Variants in MGAT4C observed in about 807,000 individuals in gnomAD.
The protein encoded by MGAT4C is MGAT4 family member C, also known as alpha-1,3-mannosyl-glycoprotein 4-beta-N-acetylglucosaminyltransferase C.
Under a neutral mutation model 40.1 loss-of-function variants are expected in MGAT4C, and 19 were observed. The observed-to-expected ratio is 0.47, with a 90% CI of 0.33 to 0.70. The LOEUF (loss-of-function observed/expected upper bound fraction) is 0.70. Among genes scored for constraint, MGAT4C ranks in the 30% least tolerant of loss-of-function variants. MGAT4C has a pLI of 0.02. For missense variants in MGAT4C, 491 were observed against 563.2 expected (o/e 0.87, Z 1.30); for synonymous variants, 181 against 187.1 (o/e 0.97, Z 0.27).
chr12:86,054,060 C>T (rs1039158386), intron 1 of MGAT4C, among the ~76,000 whole-genome samples: 1 of 151,958 alleles, frequency 6.6e-6, no homozygotes, highest in African/African-American at 2.4e-5. Flanking sequence ...AAAAAAAGAA[C>T]TACCTTATGA....
intron 2 of MGAT4C, among the ~76,000 whole-genome samples, chr12:86,571,378 T>C (rs1470024631): frequency 1.3e-5 from 2 of 152,042 alleles, no homozygotes; most frequent in African/African-American, 4.8e-5. Context: ...CAGTATACTA[T>C]ATATAGGAAG....
chr12:86,002,217 G>T (rs1887393484), intron 2 of MGAT4C: 1 of 151,816 alleles, frequency 6.6e-6, no homozygotes, highest in African/African-American at 2.4e-5. Flanking sequence ...ATTGTCTGAG[G>T]TTGAAAAAGG....
At chr12:86,358,175 C>A (rs985026635) in intron 3 of MGAT4C, among the ~76,000 whole-genome samples, 3 of 152,148 alleles carry the variant, frequency 2.0e-5, no homozygotes, top group African/African-American at 7.2e-5. Context: ...GGCCAATATA[C>A]AACATTCTTA....
At chr12:86,288,628 G>A (rs2136125563) in intron 4 of MGAT4C, among the ~76,000 whole-genome samples, 1 of 152,072 alleles carries the variant, frequency 6.6e-6, no homozygotes, top group East Asian at 1.9e-4. Context: ...GCTTGTTTTT[G>A]TCAGGTTTGT....
At chr12:86,621,330 A>G (rs1962630293) in intron 2 of MGAT4C, among the ~76,000 whole-genome samples, 1 of 152,198 alleles carries the variant, frequency 6.6e-6, no homozygotes, top group Non-Finnish European at 1.5e-5. Flanking sequence ...TTGTTTTTGC[A>G]TATTGAAACA....
At chr12:86,153,629 A>G (rs1054820262) in intron 1 of MGAT4C, among the ~76,000 whole-genome samples, 9 of 152,176 alleles carry the variant, frequency 5.9e-5, no homozygotes, top group African/African-American at 2.2e-4. Flanking sequence ...AGGGAGGTTT[A>G]CCCCATGCTG....
intron 1 of MGAT4C, among the ~76,000 whole-genome samples, chr12:86,827,114 C>A (rs1566018141): frequency 6.6e-6 from 1 of 151,206 alleles, no homozygotes; most frequent in Admixed American, 6.6e-5. Context: ...GTATTTATTT[C>A]TATTTACTGT....
chr12:86,782,523 G>A (rs1946414725), intron 1 of MGAT4C, among the ~76,000 whole-genome samples: 2 of 151,896 alleles, frequency 1.3e-5, no homozygotes, highest in Admixed American at 1.3e-4. Context: ...TTTGGAATAG[G>A]GTTAATATAA....
chr12:86,670,480 G>T (rs1433855146), intron 2 of MGAT4C, among the ~76,000 whole-genome samples: 1 of 151,702 alleles, frequency 6.6e-6, no homozygotes, highest in Non-Finnish European at 1.5e-5. Context: ...GCAAAAGAAA[G>T]AATTTCAGAG....
intron 4 of MGAT4C, among the ~76,000 whole-genome samples, chr12:86,296,397 C>CCTGCCAGTCCCGTGCCATGT (rs1953677774): frequency 3.2e-5 from 1 of 30,968 alleles, no homozygotes; most frequent in Non-Finnish European, 9.7e-5. Flanking sequence ...CCGTGCCATG[C>CCTGCCAGTCCCGTGCCATGT]GCTCGCACTC....
chr12:86,053,091 C>A (rs907288978), intron 1 of MGAT4C, among the ~76,000 whole-genome samples: 1 of 151,804 alleles, frequency 6.6e-6, no homozygotes, highest in Non-Finnish European at 1.5e-5. Flanking sequence ...CAATTCCTTG[C>A]CAATATACCT....
intron 2 of MGAT4C, among the ~76,000 whole-genome samples, chr12:86,535,489 T>C (rs1388583180): frequency 6.6e-6 from 1 of 152,094 alleles, no homozygotes; most frequent in Non-Finnish European, 1.5e-5. Context: ...AAATCTCATT[T>C]AAAGAGAGTT....
intron 2 of MGAT4C, among the ~76,000 whole-genome samples, chr12:86,048,119 C>T (rs752307592): frequency 1.3e-5 from 2 of 152,072 alleles, no homozygotes; most frequent in Non-Finnish European, 2.9e-5. Flanking sequence ...AAATGGAATA[C>T]TCTGTCACCA....
At chr12:86,444,066 A>G (rs1957289930) in intron 2 of MGAT4C, among the ~76,000 whole-genome samples, 1 of 152,180 alleles carries the variant, frequency 6.6e-6, no homozygotes, top group African/African-American at 2.4e-5. Flanking sequence ...TCTCTCTAGT[A>G]ACCATATTTC....
At chr12:86,010,564 G>T (rs1160218130) in intron 2 of MGAT4C, among the ~76,000 whole-genome samples, 1 of 152,168 alleles carries the variant, frequency 6.6e-6, no homozygotes, top group Non-Finnish European at 1.5e-5. Context: ...CGTAATCTCA[G>T]TTACTCAGGA....
intron 1 of MGAT4C, among the ~76,000 whole-genome samples, chr12:86,800,516 T>C (rs1389691549): frequency 6.6e-6 from 1 of 151,882 alleles, no homozygotes; most frequent in Non-Finnish European, 1.5e-5. Flanking sequence ...GAAAAGACAA[T>C]GAAATACCAG....
At chr12:86,264,062 C>A (rs780355370) in intron 4 of MGAT4C, among the ~76,000 whole-genome samples, 2 of 152,034 alleles carry the variant, frequency 1.3e-5, no homozygotes, top group Non-Finnish European at 2.9e-5. Flanking sequence ...TATTTGAGTT[C>A]TTTCTACATC....
intron 2 of MGAT4C, among the ~76,000 whole-genome samples, chr12:86,660,808 T>C (rs1236571926): frequency 6.6e-6 from 1 of 152,160 alleles, no homozygotes; most frequent in Admixed American, 6.6e-5. Flanking sequence ...GGACATTCTA[T>C]ATACCATCTT....
intron 1 of MGAT4C, among the ~76,000 whole-genome samples, chr12:86,776,336 T>G (rs772187744): frequency 1.3e-5 from 2 of 152,098 alleles, no homozygotes; most frequent in Non-Finnish European, 2.9e-5. Flanking sequence ...TTACTAAAAC[T>G]TAAAGATGAA....
Sources: gnomAD v4.1 joint callset for allele counts (sites outside exome capture counted in the v4.1 genomes callset) on GRCh38, gnomAD v4.1.1 for gene constraint, MANE v1.5 for transcripts, NCBI Gene and HGNC (gene_info 2026-07-23, HGNC 2026-07-21) for gene names.